Variants in TBX2 observed in about 807,000 individuals in gnomAD.
The protein encoded by TBX2 is T-box transcription factor TBX2.
A neutral mutation model predicts 48.4 loss-of-function variants in TBX2; 19 were observed. The observed-to-expected ratio is 0.39, with a 90% CI of 0.27 to 0.58. The LOEUF is 0.58. Ranked by LOEUF, TBX2 falls within the 20% of genes least tolerant of loss-of-function variation. TBX2 has a pLI of 0.54. For synonymous variants in TBX2, 522 were observed against 459.7 expected (o/e 1.14, Z -1.73); for missense variants, 994 against 1,006.5 (o/e 0.99, Z 0.17).
Position 61,401,964 on chromosome 17 carries a change from G to T in TBX2, c.663+13G>T. ...CAAGCACGGCTTCGTGAGTGTTGGG[G>T]CAGGGTGGGGACGGTGCAGGAGCTT... On this transcript the variant is annotated intron_variant, in intron 2 of 6. Transcript: ENST00000240328. The T allele has an allele frequency of 6.3e-7, 1 of 1,583,258 alleles. No individual in the cohort carries two copies. Among genetic ancestry groups the T allele is most frequent in the Non-Finnish European group, 8.6e-7 (1 of 1,163,408 alleles).
In TBX2 at chr17:61,405,573, C is replaced by T; in HGVS notation, c.1423C>T (p.His475Tyr). 6.2e-7 allele frequency: 1 copy of T among 1,600,366 alleles called. No homozygotes were observed. Residue 475 changes from histidine to tyrosine, a missense_variant, in exon 6 of 7, where the codon CAC (histidine) becomes TAC (tyrosine). His to Tyr is a moderately conservative substitution (Grantham distance 83). Transcript: ENST00000240328. The part of the protein sequence containing the change: ...LPGLAFSSHL[H>Y]GQQFFGPLGA... ...CGGCCTGGCCTTTTCCAGCCACTTG[C>T]ACGGGCAGCAGTTCTTTGGGCCGCT...
At chr17:61,401,612 A>G in intron 1 of TBX2, 72 bp from the exon 2 acceptor site, 4 of 1,533,222 alleles carry the variant, frequency 2.6e-6, no homozygotes, top group Non-Finnish European at 3.5e-6. Context: ...AGGGATAAAT[A>G]AAGGAGGAGT....
At position 61,405,533 on chromosome 17, in the gene TBX2, C is replaced by T; in HGVS notation, c.1383C>T (p.Gly461=). ...AGACAGACAGTGCGTCCCCCCTGGGCGCCGGACACCTGCCCGGCCTGGCCT... is the reference window on the plus strand; with the variant it reads ...AGACAGACAGTGCGTCCCCCCTGGGTGCCGGACACCTGCCCGGCCTGGCCT... The part of the protein sequence containing the change: ...VVQTDSASPL[G]AGHLPGLAFS... Residue 461 remains glycine (G), a synonymous_variant, in exon 6 of 7, where the codon GGC becomes GGT. Coordinates refer to ENST00000240328, the MANE Select transcript of TBX2 (RefSeq NM_005994.4). The T allele has an allele frequency of 1.3e-6, 2 of 1,591,336 alleles. No homozygotes were observed. Among genetic ancestry groups the T allele is most frequent in the South Asian group, 1.1e-5 (1 of 87,932 alleles).
chr17:61,402,850 C>A (rs1302602258), intron 2 of TBX2, among the ~76,000 whole-genome samples: 2 of 141,992 alleles, frequency 1.4e-5, no homozygotes, highest in South Asian at 2.2e-4. Flanking sequence ...AAGAGAAAAG[C>A]GAGAGGAAAA....
At chr17:61,405,117 C>T (rs933285389) in intron 5 of TBX2, 85 bp from the exon 6 acceptor site, 8 of 1,492,266 alleles carry the variant, frequency 5.4e-6, no homozygotes, top group African/African-American at 1.4e-5. Context: ...TCGGCCTCCC[C>T]GAGAGCAGCC....
chr17:61,408,344 G>T lies in TBX2; in HGVS notation c.1977G>T (p.Leu659=), dbSNP rs1019396980. Reference sequence around the variant, plus strand: ...GAAACAGCCGGGAGCCTAGCCCCCTGCCCGAGCTGGCTCTCCGCAAAGTAG... The same window carrying T: ...GAAACAGCCGGGAGCCTAGCCCCCTTCCCGAGCTGGCTCTCCGCAAAGTAG... ...AGGNSREPSP[L]PELALRKVGA... Residue 659 remains leucine (L), a synonymous_variant, in exon 7 of 7, where the codon CTG becomes CTT. Transcript: ENST00000240328. The T allele has an allele frequency of 3.1e-6, 5 of 1,597,460 alleles. No homozygotes were observed. The African/African-American group carries it at 6.7e-5, about 22-fold the overall frequency.
At position 61,404,275 on chromosome 17, in the gene TBX2, G is replaced by A. The variant is rs2060278184; in HGVS notation, c.811-146G>A. ...GAGGCCCTCCCACCGGCCTCAGCTC[G>A]GGGCGTCCCATCCCAGGCGGGTGGG... On this transcript the variant is annotated intron_variant, in intron 3 of 6. Coordinates refer to ENST00000240328, the MANE Select transcript of TBX2 (RefSeq NM_005994.4). 6 of 997,080 alleles carry A rather than the reference G, an allele frequency of 6.0e-6. No homozygotes were observed. The African/African-American group carries it at 9.9e-5, about 16-fold the overall frequency. 61.8% of individuals were successfully genotyped at this position (997,080 alleles called of 1,614,324 possible).
In TBX2 at chr17:61,401,671, C is replaced by T. The variant is rs2060264318; in HGVS notation, c.396-13C>T. 5 of 1,607,848 alleles carry T rather than the reference C, an allele frequency of 3.1e-6. No individual in the cohort carries two copies. The highest frequency in any genetic ancestry group is 4.2e-6 in the Non-Finnish European group (5 of 1,177,078). On this transcript the variant is annotated splice_polypyrimidine_tract_variant and intron_variant, in intron 1 of 6. Transcript: ENST00000240328. ...CGGTTCCAATGGGATCTCCTCCCTT[C>T]CCTCCCTCCCAGGCGGATGTTCCCC...
rs1406453476 is a variant in TBX2, at chr17:61,401,877, G to C, written c.589G>C (p.Glu197Gln). Residue 197 changes from glutamate (E) to glutamine (Q), a missense_variant, in exon 2 of 7, where the codon GAG becomes CAG. Physicochemically the swap from Glu to Gln is conservative, Grantham distance 29 (BLOSUM62 2). Coordinates refer to ENST00000240328, the MANE Select transcript of TBX2 (RefSeq NM_005994.4). ...CCACCCAGACAGCCCAGCCACGGGGGAGCAGTGGATGGCTAAGCCTGTGGC... is the reference window on the plus strand; with the variant it reads ...CCACCCAGACAGCCCAGCCACGGGGCAGCAGTGGATGGCTAAGCCTGTGGC... ...YIHPDSPATGEQWMAKPVAFH... is the reference protein window; with the variant it reads ...YIHPDSPATGQQWMAKPVAFH... 3.1e-6 allele frequency: 5 copies of C among 1,612,910 alleles called. No homozygotes were observed. Among genetic ancestry groups the C allele is most frequent in the South Asian group, 2.2e-5 (2 of 91,080 alleles).
Position 61,408,745 on chromosome 17 carries a change from C to T in TBX2, c.*239C>T, listed in dbSNP as rs2060298665. 2.4e-6 allele frequency: 1 copy of T among 411,760 alleles called. No homozygotes were observed. Among genetic ancestry groups the T allele is most frequent in the Non-Finnish European group, 4.2e-6 (1 of 237,686 alleles). The allele number at this position is 411,760 out of a possible 1,614,324, so 25.5% of individuals were successfully genotyped here. ...AGCTGCTGGGCTAGGTCCAGATCCG[C>T]TCCAGCGTCAAGGTGGCATCCGAAG... On this transcript the variant is annotated 3_prime_UTR_variant, in exon 7 of 7. Coordinates refer to ENST00000240328, the MANE Select transcript of TBX2 (RefSeq NM_005994.4).
In TBX2 at chr17:61,400,307, C is replaced by G; in HGVS notation, c.131C>G (p.Pro44Arg). The change falls in exon 1 of 7, where the codon CCG becomes CGG. Residue 44 changes from proline to arginine, a missense_variant. This residue lies in a region of TBX2 where 165 missense variants were observed against 136.8 expected (regional missense o/e 1.21). Coordinates refer to ENST00000240328, the MANE Select transcript of TBX2 (RefSeq NM_005994.4). This position sits in a 1 kb window ranked among gnomAD's most constrained non-coding sequence, Gnocchi z 9.2. ...TCCTTCTTCCCGGCACTCGCGCTGCCGCCCGGCGCGCTGGCCAAGCCGCTG... is the reference window on the plus strand; with the variant it reads ...TCCTTCTTCCCGGCACTCGCGCTGCGGCCCGGCGCGCTGGCCAAGCCGCTG... ...QPSFFPALAL[P>R]PGALAKPLPD... The G allele has an allele frequency of 9.2e-7, 1 of 1,087,790 alleles. No homozygotes were observed. Among genetic ancestry groups the G allele is most frequent in the Non-Finnish European group, 1.1e-6 (1 of 885,112 alleles). 67.4% of individuals were successfully genotyped at this position (1,087,790 alleles called of 1,614,324 possible).
Position 61,405,454 on chromosome 17 carries a change from G to C in TBX2, c.1304G>C (p.Gly435Ala). Residue 435 changes from glycine to alanine, a missense_variant, in exon 6 of 7, where the codon GGG becomes GCG. Coordinates refer to ENST00000240328, the MANE Select transcript of TBX2 (RefSeq NM_005994.4). ...GCCGAAGCTCGGAGGAAGGACGAGG[G>C]GCGCAAGGAGGCGGCCGAGGGCAAG... ...ERAEARRKDE[G>A]RKEAAEGKEQ... 6.4e-7 allele frequency: 1 copy of C among 1,573,026 alleles called. No homozygotes were observed. The highest frequency in any genetic ancestry group is 8.6e-7 in the Non-Finnish European group (1 of 1,163,382).
At chr17:61,404,316 C>A in intron 3 of TBX2, 105 bp from the exon 4 acceptor site, 1 of 1,398,320 alleles carries the variant, frequency 7.2e-7, no homozygotes, top group Non-Finnish European at 9.7e-7. Flanking sequence ...AGTGGACGCT[C>A]CCCGGGTCTT....
In TBX2 at chr17:61,405,493, C is replaced by T. The variant is rs776350683; in HGVS notation, c.1343C>T (p.Ala448Val). 18 of 1,580,336 alleles carry T rather than the reference C, an allele frequency of 1.1e-5. No individual in the cohort carries two copies. The highest frequency in any genetic ancestry group is 1.5e-5 in the Non-Finnish European group (17 of 1,166,128). The change falls in exon 6 of 7, where the codon GCG (alanine) becomes GTG (valine). Residue 448 changes from alanine to valine, a missense_variant. Ala to Val is a moderately conservative substitution (Grantham distance 64). Transcript: ENST00000240328. ...GCCGAGGGCAAGGAGCAGGGCCTGG[C>T]GCCGCTGGTGGTGCAGACAGACAGT... ...EAAEGKEQGLAPLVVQTDSAS... is the reference protein window; with the variant it reads ...EAAEGKEQGLVPLVVQTDSAS...
intron 1 of TBX2, 48 bp from the exon 2 acceptor site, chr17:61,401,636 C>T: frequency 6.3e-7 from 1 of 1,576,300 alleles, no homozygotes; most frequent in Non-Finnish European, 8.6e-7. Context: ...GTCCTGGAAC[C>T]TAGAACAGCC....
chr17:61,408,110 A>G lies in TBX2; in HGVS notation c.1743A>G (p.Ala581=), dbSNP rs775893920. The G allele has an allele frequency of 4.3e-6, 7 of 1,610,280 alleles. No individual in the cohort carries two copies. The highest frequency in any genetic ancestry group is 2.2e-5 in the East Asian group (1 of 44,824). The part of the protein sequence containing the change: ...GLFPYPYTYM[A]AAAAAASALP... ...TCCCCTACCCCTACACCTACATGGC[A>G]GCAGCAGCCGCAGCCGCCTCGGCTT... The change falls in exon 7 of 7, where the codon GCA becomes GCG. Residue 581 remains alanine (A), a synonymous_variant. Coordinates refer to ENST00000240328, the MANE Select transcript of TBX2 (RefSeq NM_005994.4).
chr17:61,401,251 T>G (rs987454351), intron 1 of TBX2, among the ~76,000 whole-genome samples: 10 of 151,866 alleles, frequency 6.6e-5, no homozygotes, highest in African/African-American at 2.4e-4. Flanking sequence ...TATCAGGCTC[T>G]GTAGCCCAGT....
At chr17:61,405,013 C>T in intron 5 of TBX2, 189 bp from the exon 6 acceptor site, 1 of 1,333,070 alleles carries the variant, frequency 7.5e-7, no homozygotes, top group Non-Finnish European at 1.0e-6. Context: ...GTAGGGTTTC[C>T]TCTCCAGGGC....
chr17:61,404,272 C>A, intron 3 of TBX2, 149 bp from the exon 4 acceptor site: 1 of 983,962 alleles, frequency 1.0e-6, no homozygotes, highest in Non-Finnish European at 1.5e-6. Flanking sequence ...CCGGCCTCAG[C>A]TCGGGGCGTC....
Sources: gnomAD v4.1 joint callset for allele counts (sites outside exome capture counted in the v4.1 genomes callset) on GRCh38, gnomAD v4.1.1 for gene constraint, gnomAD v4.1.1 regional missense constraint, Gnocchi (gnomAD v3.1) non-coding constraint, MANE v1.5 for transcripts, NCBI Gene and HGNC (gene_info 2026-07-23, HGNC 2026-07-21) for gene names.